CDK13: variants seen among roughly 807,000 people sequenced by gnomAD.
CDK13 encodes cyclin-dependent kinase 13.
In CDK13, 40 loss-of-function variants were observed where a neutral mutation model predicts 137.6. That is an observed-to-expected ratio of 0.29 (90% CI 0.23 to 0.38). The LOEUF (loss-of-function observed/expected upper bound fraction) is 0.38. Among genes scored for constraint, CDK13 ranks in the 10% least tolerant of loss-of-function variants. The pLI is 1.00. For missense variants in CDK13, 1,704 were observed against 1,951.8 expected, an observed-to-expected ratio of 0.87 and a Z score of 2.39; for synonymous variants, 869 against 760.1, an observed-to-expected ratio of 1.14 and a Z score of -2.36.
intron 12 of CDK13, chr7:40,092,548 C>T (rs748793353): frequency 3.2e-5 from 15 of 465,868 alleles, no homozygotes; most frequent in Non-Finnish European, 5.7e-5. Context: ...CTTGATTTTC[C>T]TTTTGAAGTA....
intron 9 of CDK13, among the ~76,000 whole-genome samples, chr7:40,076,628 CT>C (rs1419889967): frequency 2.0e-5 from 3 of 152,052 alleles, no homozygotes; most frequent in Non-Finnish European, 4.4e-5. Context: ...TTCTTAGTAT[CT>C]TTAAAGCTTG....
intron 11 of CDK13, among the ~76,000 whole-genome samples, chr7:40,082,705 C>T (rs1459405255): frequency 6.7e-6 from 1 of 149,156 alleles, no homozygotes; most frequent in Non-Finnish European, 1.5e-5. Context: ...GCAGGAGAGT[C>T]ACTTGAGCCT....
intron 7 of CDK13, among the ~76,000 whole-genome samples, chr7:40,051,532 T>G (rs971906579): frequency 6.6e-6 from 1 of 152,242 alleles, no homozygotes; most frequent in African/African-American, 2.4e-5. Context: ...GTAATACTCA[T>G]GCAAGTATAA....
intron 5 of CDK13, among the ~76,000 whole-genome samples, chr7:40,013,816 A>G (rs1159454654): frequency 5.3e-5 from 8 of 152,140 alleles, no homozygotes; most frequent in African/African-American, 1.9e-4. Context: ...ACTAGCTCCT[A>G]TGAATTCTGT....
At chr7:40,037,319 C>CA (rs1676557697) in intron 5 of CDK13, among the ~76,000 whole-genome samples, 2 of 152,196 alleles carry the variant, frequency 1.3e-5, no homozygotes, top group South Asian at 4.2e-4. Context: ...CTAGGGTTGT[C>CA]GTTAGAAGGC....
chr7:40,025,864 T>C (rs1785232153), intron 5 of CDK13, among the ~76,000 whole-genome samples: 1 of 152,230 alleles, frequency 6.6e-6, no homozygotes, highest in African/African-American at 2.4e-5. Context: ...TGCTTTATTC[T>C]CTCTTAGTTT....
intron 1 of CDK13, among the ~76,000 whole-genome samples, chr7:39,953,210 A>G (rs916362979): frequency 5.9e-5 from 9 of 152,200 alleles, no homozygotes; most frequent in African/African-American, 2.2e-4. Flanking sequence ...AAATTGCTTC[A>G]CTCTTAAAGA....
chr7:39,996,983 A>AAAAAAAAAAAG lies in CDK13; in HGVS notation c.1872-506_1872-505insAAAAAGAAAAA, dbSNP rs1562719391. ...TCTCAAAAAAAAAAAAAAAGAAAAAAAAAAAGAAAAATGCTTTGCAAAACT... is the reference window on the plus strand; with the variant it reads ...TCTCAAAAAAAAAAAAAAAGAAAAAAAAAAAAAAAAGAAAAAGAAAAATGCTTTGCAAAACT... On this transcript the variant is annotated intron_variant, in intron 2 of 13. Coordinates refer to ENST00000181839, the MANE Select transcript of CDK13 (RefSeq NM_003718.5). 1.1e-3 allele frequency among the ~76,000 whole-genome samples: 159 copies of AAAAAAAAAAAG among 141,444 alleles called. 6 individuals carry two copies. The highest frequency in any genetic ancestry group is 4.6e-3 in the African/African-American group (154 of 33,544). 92.8% of individuals were successfully genotyped at this position (141,444 alleles called of 152,430 possible).
At chr7:40,041,036 C>A (rs186492288) in intron 5 of CDK13, among the ~76,000 whole-genome samples, 2 of 152,102 alleles carry the variant, frequency 1.3e-5, no homozygotes, top group African/African-American at 4.8e-5. Flanking sequence ...AAATTAATAA[C>A]GTATTTAACC....
chr7:40,046,090 T>C (rs1452727358), intron 6 of CDK13, 65 bp downstream of exon 6: 21 of 1,019,746 alleles, frequency 2.1e-5, no homozygotes, highest in Non-Finnish European at 2.9e-5. Flanking sequence ...ATGGAGAGAA[T>C]AGACTGGAAA....
intron 5 of CDK13, among the ~76,000 whole-genome samples, chr7:40,036,018 G>A (rs1056194933): frequency 1.3e-5 from 2 of 151,916 alleles, no homozygotes; most frequent in African/African-American, 4.8e-5. Flanking sequence ...ACAGAAATTA[G>A]CAAAGTGTGG....
intron 1 of CDK13, among the ~76,000 whole-genome samples, chr7:39,968,633 G>A (rs1473395678): frequency 1.3e-5 from 2 of 152,116 alleles, no homozygotes; most frequent in Non-Finnish European, 2.9e-5. Flanking sequence ...TTTATTTCTG[G>A]GTTCTCTATT....
chr7:40,092,740 A>G, intron 12 of CDK13, 45 bp from the exon 13 acceptor site: 2 of 1,419,416 alleles, frequency 1.4e-6, no homozygotes. Context: ...GAGTGGGAGG[A>G]GCTGTGAATT....
At chr7:40,037,549 C>T (rs745759867) in intron 5 of CDK13, among the ~76,000 whole-genome samples, 5 of 152,210 alleles carry the variant, frequency 3.3e-5, no homozygotes, top group Non-Finnish European at 7.3e-5. Flanking sequence ...GAAGTCACAT[C>T]ATTCACTCTC....
At position 40,009,212 on chromosome 7, in the gene CDK13, CTTT is replaced by C. The variant is rs1784849490; in HGVS notation, c.2353+7183_2353+7185del. On this transcript the variant is annotated intron_variant, in intron 5 of 13. Transcript: ENST00000181839. ...GATTACCAAATGGAAGGTTCTGCTT[CTTT>C]TATTGTCTTATTTAATAAAATGCTT... Among the ~76,000 whole-genome samples, 5 of 152,322 alleles carry C rather than the reference CTTT, an allele frequency of 3.3e-5. No individual in the cohort carries two copies. The South Asian group carries it at 1.0e-3, about 32-fold the overall frequency.
intron 5 of CDK13, among the ~76,000 whole-genome samples, chr7:40,021,749 A>G (rs10215477): frequency 8.3e-4 from 126 of 151,932 alleles, no homozygotes; most frequent in Middle Eastern, 6.8e-3. Flanking sequence ...TCTATGAAGG[A>G]TAGAGAAGGA....
At chr7:39,958,067 A>T (rs1030402630) in intron 1 of CDK13, among the ~76,000 whole-genome samples, 5 of 152,204 alleles carry the variant, frequency 3.3e-5, no homozygotes, top group Non-Finnish European at 5.9e-5. Flanking sequence ...GAATTCCTGC[A>T]CATTTAAATT....
At chr7:39,981,891 A>G (rs1784232121) in intron 1 of CDK13, among the ~76,000 whole-genome samples, 1 of 149,442 alleles carries the variant, frequency 6.7e-6, no homozygotes, top group African/African-American at 2.5e-5. Flanking sequence ...TCCCGGGTTC[A>G]TGCCATTCTC....
At chr7:40,053,883 A>ATG (rs1378565759) in intron 7 of CDK13, among the ~76,000 whole-genome samples, 1 of 152,192 alleles carries the variant, frequency 6.6e-6, no homozygotes, top group East Asian at 1.9e-4. Context: ...GAGATGGATG[A>ATG]TGTAGGTATC....
Sources: gnomAD v4.1 joint callset for allele counts (sites outside exome capture counted in the v4.1 genomes callset) on GRCh38, gnomAD v4.1.1 for gene constraint, MANE v1.5 for transcripts, NCBI Gene and HGNC (gene_info 2026-07-23, HGNC 2026-07-21) for gene names.